Variants in RAD51C observed in about 807,000 individuals in gnomAD.
RAD51C encodes the protein RAD51 paralog C.
Under a neutral mutation model 45.0 loss-of-function variants are expected in RAD51C, and 42 were observed. The observed-to-expected ratio is 0.93, with a 90% CI of 0.73 to 1.21. The LOEUF is 1.21. Among genes scored for constraint, RAD51C ranks in the 50% most tolerant of loss-of-function variants. RAD51C has a pLI of 0.00. For missense variants in RAD51C, 474 were observed against 452.2 expected (o/e 1.05, Z -0.44); for synonymous variants, 172 against 159.8 (o/e 1.08, Z -0.58).
chr17:58,717,840 G>A (rs1415771930), intron 5 of RAD51C, among the ~76,000 whole-genome samples: 2 of 152,246 alleles, frequency 1.3e-5, no homozygotes, highest in African/African-American at 4.8e-5. Flanking sequence ...CCTGTGGCAT[G>A]TAAGGGGAGG....
intron 5 of RAD51C, among the ~76,000 whole-genome samples, chr17:58,717,041 C>T (rs995882555): frequency 1.3e-5 from 2 of 151,960 alleles, no homozygotes; most frequent in Admixed American, 6.6e-5. Context: ...CCTCGTGATC[C>T]GCCCGCCTCG....
intron 7 of RAD51C, among the ~76,000 whole-genome samples, chr17:58,727,003 G>A (rs1029836609): frequency 2.0e-5 from 3 of 151,824 alleles, no homozygotes; most frequent in African/African-American, 2.4e-5. Context: ...TGTATTTTTA[G>A]TAGAGACGGG....
Position 58,734,586 on chromosome 17 carries a change from G to GTTT in RAD51C, c.*365_*366insTTT. The stretch of plus-strand genomic sequence containing the variant: ...GGAAGAAACATATCATATTCTTATT[G>GTTT]TGTTTTTTTTTTTTTTTTTTTTTTT... On this transcript the variant is annotated 3_prime_UTR_variant, in exon 9 of 9. Transcript: ENST00000337432. 2 of 140,410 alleles carry GTTT rather than the reference G, an allele frequency of 1.4e-5. No homozygotes were observed. Among genetic ancestry groups the GTTT allele is most frequent in the African/African-American group, 3.3e-5 (1 of 30,348 alleles). 8.7% of individuals were successfully genotyped at this position (140,410 alleles called of 1,614,324 possible).
chr17:58,728,119 C>T (rs975285912), intron 7 of RAD51C, among the ~76,000 whole-genome samples: 2 of 151,390 alleles, frequency 1.3e-5, no homozygotes, highest in Non-Finnish European at 2.9e-5. Flanking sequence ...GTGGCGGGCA[C>T]CTGTAATCCC....
rs1398843388 is a variant in RAD51C at position 58,734,304 on chromosome 17, T to G, written c.*82T>G. 1 of 1,553,238 alleles carries G rather than the reference T, an allele frequency of 6.4e-7. No individual in the cohort carries two copies. Among genetic ancestry groups the G allele is most frequent in the Non-Finnish European group, 8.7e-7 (1 of 1,146,312 alleles). ...CAAGTGGACTTGTTACCTTAAAGTA[T>G]AAATAAACACACTATGGCATGAATG... On this transcript the variant is annotated 3_prime_UTR_variant, in exon 9 of 9. Coordinates refer to ENST00000337432, the MANE Select transcript of RAD51C (RefSeq NM_058216.3).
chr17:58,718,791 A>G (rs2048822128), intron 5 of RAD51C, among the ~76,000 whole-genome samples: 1 of 152,020 alleles, frequency 6.6e-6, no homozygotes, highest in African/African-American at 2.4e-5. Flanking sequence ...TTGTTGCCTC[A>G]GTTTCTTTTT....
chr17:58,715,666 C>A (rs529716695), intron 5 of RAD51C, among the ~76,000 whole-genome samples: 1 of 151,918 alleles, frequency 6.6e-6, no homozygotes, highest in African/African-American at 2.4e-5. Flanking sequence ...ATTTTAGCAC[C>A]CATCAGTATC....
At chr17:58,726,965 C>T (rs1421493593) in intron 7 of RAD51C, among the ~76,000 whole-genome samples, 7 of 151,950 alleles carry the variant, frequency 4.6e-5, no homozygotes, top group Admixed American at 3.9e-4. Context: ...GTACTACAGG[C>T]GCCTGCCACC....
At chr17:58,715,107 G>A (rs2048683978) in intron 5 of RAD51C, among the ~76,000 whole-genome samples, 1 of 150,864 alleles carries the variant, frequency 6.6e-6, no homozygotes, top group Admixed American at 6.6e-5. Flanking sequence ...TCTGGTTCTG[G>A]GAAACACACA....
intron 1 of RAD51C, chr17:58,693,609 G>T (rs537988944): frequency 4.6e-5 from 7 of 152,130 alleles, no homozygotes; most frequent in Non-Finnish European, 8.8e-5. Flanking sequence ...AGATTTGATG[G>T]GCTCTTTTTT....
intron 1 of RAD51C, chr17:58,693,570 G>A (rs1213090615): frequency 1.3e-5 from 2 of 152,174 alleles, no homozygotes; most frequent in Admixed American, 6.6e-5. Flanking sequence ...AACTGTTTAA[G>A]TCATACCGCG....
intron 3 of RAD51C, among the ~76,000 whole-genome samples, chr17:58,701,316 T>G (rs55957824): frequency 1.3e-5 from 2 of 151,604 alleles, no homozygotes; most frequent in African/African-American, 4.8e-5. Context: ...AGACCATCCT[T>G]GCTAACATGG....
intron 7 of RAD51C, among the ~76,000 whole-genome samples, chr17:58,731,958 G>C (rs1405099998): frequency 6.6e-6 from 1 of 151,950 alleles, no homozygotes; most frequent in Non-Finnish European, 1.5e-5. Context: ...CTCATTTGTA[G>C]TATAAGAAAT....
At chr17:58,718,164 T>C (rs529085596) in intron 5 of RAD51C, among the ~76,000 whole-genome samples, 1 of 152,216 alleles carries the variant, frequency 6.6e-6, no homozygotes, top group South Asian at 2.1e-4. Flanking sequence ...GTTCGGCTAA[T>C]TTTTTGTAAT....
intron 3 of RAD51C, among the ~76,000 whole-genome samples, chr17:58,700,450 A>G (rs965013717): frequency 6.6e-6 from 1 of 151,880 alleles, no homozygotes; most frequent in African/African-American, 2.4e-5. Flanking sequence ...TAATTAATTA[A>G]TTTATTTTTT....
chr17:58,692,927 G>A (rs2047832953), intron 1 of RAD51C, 139 bp downstream of exon 1: 1 of 1,252,188 alleles, frequency 8.0e-7, no homozygotes, highest in African/African-American at 1.5e-5. Flanking sequence ...GCGTGAAAGA[G>A]CTCCTCGACT....
chr17:58,705,642 C>A (rs191611907), intron 4 of RAD51C, among the ~76,000 whole-genome samples: 1 of 151,938 alleles, frequency 6.6e-6, no homozygotes, highest in Admixed American at 6.6e-5. Flanking sequence ...CCTAATATTT[C>A]TTCTTACAAG....
intron 5 of RAD51C, among the ~76,000 whole-genome samples, chr17:58,717,876 C>T (rs915993189): frequency 2.6e-5 from 4 of 152,200 alleles, no homozygotes; most frequent in African/African-American, 9.6e-5. Flanking sequence ...TCATGTCATC[C>T]ACTTGGTATC....
rs28910276 is a variant in RAD51C at position 58,692,677 on chromosome 17, C to A, written c.34C>A (p.Arg12=). 6.2e-7 allele frequency: 1 copy of A among 1,614,220 alleles called. No homozygotes were observed. Among genetic ancestry groups the A allele is most frequent in the Non-Finnish European group, 8.5e-7 (1 of 1,180,044 alleles). ...RGKTFRFEMQ[R]DLVSFPLSPA... ...GAAGACGTTCCGCTTTGAAATGCAG[C>A]GGGATTTGGTGAGTTTCCCGCTGTC... The change falls in exon 1 of 9, where the codon CGG becomes AGG. Residue 12 remains arginine (R), a synonymous_variant. Transcript: ENST00000337432.
Sources: gnomAD v4.1 joint callset for allele counts (sites outside exome capture counted in the v4.1 genomes callset) on GRCh38, gnomAD v4.1.1 for gene constraint, MANE v1.5 for transcripts, NCBI Gene and HGNC (gene_info 2026-07-23, HGNC 2026-07-21) for gene names.